The following MARF1 variants were observed in gnomAD, a reference collection of about 807,000 sequenced individuals.
The protein encoded by MARF1 is limkain-b1.
A neutral mutation model predicts 168.2 loss-of-function variants in MARF1; 24 were observed. That is an observed-to-expected ratio of 0.14 (90% confidence interval 0.10 to 0.20). The LOEUF is 0.20. Among genes scored for constraint, MARF1 ranks in the 10% least tolerant of loss-of-function variants. MARF1 has a pLI of 1.00. For missense variants in MARF1, 1,744 were observed against 2,143.6 expected (o/e 0.81, Z 3.68); for synonymous variants, 868 against 822.4 (o/e 1.06, Z -0.95).
chr16:15,618,904 A>G (rs1417248603), intron 13 of MARF1, among the ~76,000 whole-genome samples: 1 of 152,178 alleles, frequency 6.6e-6, no homozygotes, highest in East Asian at 1.9e-4. Flanking sequence ...TTAACTGTGC[A>G]ACCATCATCC....
intron 7 of MARF1, among the ~76,000 whole-genome samples, chr16:15,626,746 G>A (rs1026300145): frequency 5.3e-5 from 8 of 152,078 alleles, no homozygotes; most frequent in African/African-American, 1.4e-4. Context: ...GATCACCTGA[G>A]GTCAAGAGTT....
At chr16:15,599,734 A>G (rs889520608) in intron 25 of MARF1, among the ~76,000 whole-genome samples, 4 of 152,200 alleles carry the variant, frequency 2.6e-5, no homozygotes, top group Non-Finnish European at 4.4e-5. Context: ...TCTGAAATCT[A>G]TGTGACTCAG....
chr16:15,633,932 G>T (rs1057489050), intron 4 of MARF1, 89 bp from the exon 5 acceptor site: 29 of 1,122,832 alleles, frequency 2.6e-5, no homozygotes, highest in Admixed American at 8.2e-5. Context: ...CATTCTCAGT[G>T]GTAGAAAAAC....
chr16:15,597,977 C>G (rs2031928477), intron 26 of MARF1, among the ~76,000 whole-genome samples: 1 of 152,144 alleles, frequency 6.6e-6, no homozygotes, highest in Admixed American at 6.5e-5. Context: ...TGAACGCTGC[C>G]AAGAACAACC....
intron 21 of MARF1, among the ~76,000 whole-genome samples, chr16:15,606,635 C>T (rs368672388): frequency 2.8e-4 from 42 of 152,204 alleles, no homozygotes; most frequent in African/African-American, 9.2e-4. Context: ...AAACATCAGA[C>T]CTGCCCATGC....
intron 26 of MARF1, 117 bp from the exon 27 acceptor site, chr16:15,597,054 G>T: frequency 1.7e-6 from 2 of 1,172,590 alleles, no homozygotes; most frequent in Non-Finnish European, 2.3e-6. Context: ...GCTTCTAAAT[G>T]CTACATCTAT....
Position 15,596,691 on chromosome 16 carries a change from A to T in MARF1, c.*2T>A, listed in dbSNP as rs1324388295. ...ATCCTAATTCTATATTCCAAATGGG[A>T]GTTAAAGCTTGGTTATAGGTGCTAA... On this transcript the variant is annotated 3_prime_UTR_variant, in exon 27 of 27. Coordinates refer to ENST00000396368, the MANE Select transcript of MARF1 (RefSeq NM_014647.4). 6.3e-7 allele frequency: 1 copy of T among 1,579,112 alleles called. No individual in the cohort carries two copies. Among genetic ancestry groups the T allele is most frequent in the African/African-American group, 1.4e-5 (1 of 73,914 alleles).
At position 15,597,086 on chromosome 16, in the gene MARF1, G is replaced by A. The variant is rs867596469; in HGVS notation, c.4985-149C>T. ...CTATGCCACAGTTTACATATGAGTT[G>A]TGTGGCCAGTGAACTTGGCACAGAA... On this transcript the variant is annotated intron_variant, in intron 26 of 26. Coordinates refer to ENST00000396368, the MANE Select transcript of MARF1 (RefSeq NM_014647.4). 4.0e-5 allele frequency: 33 copies of A among 820,206 alleles called. No individual in the cohort carries two copies. In the African/African-American group the frequency reaches 5.2e-4, roughly 13 times the overall value. 50.8% of individuals were successfully genotyped at this position (820,206 alleles called of 1,614,324 possible).
chr16:15,611,153 C>G (rs368744230), intron 18 of MARF1, 45 bp from the exon 19 acceptor site: 1 of 1,593,540 alleles, frequency 6.3e-7, no homozygotes, highest in Admixed American at 1.7e-5. Flanking sequence ...GTAGTATCAT[C>G]GGTAGAAGAA....
intron 13 of MARF1, among the ~76,000 whole-genome samples, chr16:15,619,714 C>T (rs1263536290): frequency 6.6e-6 from 1 of 152,194 alleles, no homozygotes; most frequent in African/African-American, 2.4e-5. Context: ...AAGTCTTGCC[C>T]AGTTCTGCCT....
chr16:15,605,153 C>G (rs1376502964), intron 21 of MARF1, among the ~76,000 whole-genome samples: 1 of 152,182 alleles, frequency 6.6e-6, no homozygotes, highest in Non-Finnish European at 1.5e-5. Flanking sequence ...GTGGCGTGAG[C>G]CTTTCCTGGC....
At position 15,598,900 on chromosome 16, in the gene MARF1, T is replaced by C. The variant is rs200228717; in HGVS notation, c.4938A>G (p.Gln1646=). 3.3e-5 allele frequency: 54 copies of C among 1,613,566 alleles called. No individual in the cohort carries two copies. In the East Asian group the frequency reaches 4.7e-4, roughly 14 times the overall value. ...CCTCAAACTGAATGAGATCAGCAGA[T>C]TGGAGGATAACGGGGTCTGGTCTCA... ...PQLRPDPVIL[Q]SADLIQFEER... The change falls in exon 26 of 27, where the codon CAA becomes CAG. Residue 1646 remains glutamine, a synonymous_variant. Coordinates refer to ENST00000396368, the MANE Select transcript of MARF1 (RefSeq NM_014647.4).
intron 15 of MARF1, among the ~76,000 whole-genome samples, chr16:15,616,415 T>C (rs1446011045): frequency 6.6e-6 from 1 of 152,220 alleles, no homozygotes; most frequent in Non-Finnish European, 1.5e-5. Flanking sequence ...TGTATGCATA[T>C]TTGAAGCTGT....
At chr16:15,612,975 T>C (rs1365274726) in intron 16 of MARF1, among the ~76,000 whole-genome samples, 198 bp from the exon 17 acceptor site, 1 of 152,186 alleles carries the variant, frequency 6.6e-6, no homozygotes, top group Non-Finnish European at 1.5e-5. Context: ...ATTCACGGGC[T>C]GTCAAATGCT....
At chr16:15,637,835 A>C (rs767486498) in intron 2 of MARF1, among the ~76,000 whole-genome samples, 1 of 152,194 alleles carries the variant, frequency 6.6e-6, no homozygotes, top group African/African-American at 2.4e-5. Flanking sequence ...TATAGTGAAA[A>C]CCTAGAGAAA....
At chr16:15,630,310 A>C in intron 7 of MARF1, 22 bp downstream of exon 7, 1 of 1,583,826 alleles carries the variant, frequency 6.3e-7, no homozygotes, top group Non-Finnish European at 8.6e-7. Context: ...GAAAATGGCA[A>C]AAATAACGCA....
intron 26 of MARF1, among the ~76,000 whole-genome samples, chr16:15,597,585 T>A (rs749454450): frequency 1.3e-5 from 2 of 152,206 alleles, no homozygotes; most frequent in Non-Finnish European, 2.9e-5. Flanking sequence ...CATTATGCCT[T>A]AGACTCCCAC....
rs1245705636 is a variant in MARF1, at chr16:15,625,189, C to T, written c.1954-16G>A. On this transcript the variant is annotated splice_polypyrimidine_tract_variant and intron_variant, in intron 8 of 26. Coordinates refer to ENST00000396368, the MANE Select transcript of MARF1 (RefSeq NM_014647.4). ...GGCACAGCTCCTTCAAAGACACAAG[C>T]ACAGTGGGGTTTAAATTTTAAGTAC... 14 of 1,609,592 alleles carry T rather than the reference C, an allele frequency of 8.7e-6. No homozygotes were observed. The highest frequency in any genetic ancestry group is 1.2e-5 in the Non-Finnish European group (14 of 1,177,098).
At chr16:15,631,040 G>A (rs1296736610) in intron 6 of MARF1, among the ~76,000 whole-genome samples, 1 of 152,148 alleles carries the variant, frequency 6.6e-6, no homozygotes. Context: ...TGAGGCAGAA[G>A]AATCACTTCA....
Sources: gnomAD v4.1 joint callset for allele counts (sites outside exome capture counted in the v4.1 genomes callset) on GRCh38, gnomAD v4.1.1 for gene constraint, MANE v1.5 for transcripts, NCBI Gene and HGNC (gene_info 2026-07-23, HGNC 2026-07-21) for gene names.